PUM3: variants seen among roughly 807,000 people sequenced by gnomAD.
The protein encoded by PUM3 is pumilio homolog 3.
Under a neutral mutation model 84.0 loss-of-function variants are expected in PUM3, and 91 were observed. That is an observed-to-expected ratio of 1.08 (90% CI 0.91 to 1.29). PUM3 has a LOEUF of 1.29. Among genes scored for constraint, PUM3 ranks in the 50% most tolerant of loss-of-function variants. The pLI, the probability that PUM3 is intolerant of heterozygous loss-of-function variation, is 0.00. For synonymous variants in PUM3, 321 were observed against 266.7 expected, an observed-to-expected ratio of 1.20 and a Z score of -1.98; for missense variants, 1,067 against 767.5, an observed-to-expected ratio of 1.39 and a Z score of -4.61.
At chr9:2,827,998 G>C in intron 9 of PUM3, among the ~76,000 whole-genome samples, 1 of 152,112 alleles carries the variant, frequency 6.6e-6, no homozygotes. Flanking sequence ...ATGCCATGAA[G>C]GGCACATGCA....
intron 7 of PUM3, 114 bp downstream of exon 7, chr9:2,830,848 C>T: frequency 3.1e-6 from 2 of 637,022 alleles, no homozygotes; most frequent in East Asian, 2.8e-5. Context: ...CTGCTGAGAG[C>T]CATTACTATT....
chr9:2,815,104 G>A (rs1231859682), intron 13 of PUM3, among the ~76,000 whole-genome samples: 2 of 151,922 alleles, frequency 1.3e-5, no homozygotes, highest in Non-Finnish European at 2.9e-5. Flanking sequence ...ACTCCCTTTT[G>A]GTTTGTAATT....
At chr9:2,838,381 C>T (rs765914072) in intron 2 of PUM3, 45 bp downstream of exon 2, 3 of 1,293,114 alleles carry the variant, frequency 2.3e-6, no homozygotes, top group Admixed American at 1.7e-5. Flanking sequence ...CCCTCCCATC[C>T]CCCAATTATA....
At position 2,824,882 on chromosome 9, in the gene PUM3, C is replaced by G. The variant is rs1190181938; in HGVS notation, c.1036-67G>C. 6 of 1,150,872 alleles carry G rather than the reference C, an allele frequency of 5.2e-6. No homozygotes were observed. In the African/African-American group the frequency reaches 7.7e-5, roughly 15 times the overall value. The allele number at this position is 1,150,872 out of a possible 1,614,324, so 71.3% of individuals were successfully genotyped here. A position where few individuals can be genotyped will look rare whatever the true frequency, so the allele number is the denominator to read the frequency against. ...TTCTTCTTTCTACTGTTTTATCTGT[C>G]TGTCTACAGGGGGCAGTTATGCAGA... On this transcript the variant is annotated intron_variant, in intron 10 of 17. Transcript: ENST00000397885.
intron 13 of PUM3, among the ~76,000 whole-genome samples, chr9:2,818,573 T>C (rs1821520397): frequency 6.6e-6 from 1 of 152,216 alleles, no homozygotes; most frequent in Non-Finnish European, 1.5e-5. Flanking sequence ...GAAACAACTT[T>C]ATTCATCAGC....
At chr9:2,806,882 TCA>T (rs1267639653) in intron 17 of PUM3, among the ~76,000 whole-genome samples, 1 of 152,166 alleles carries the variant, frequency 6.6e-6, no homozygotes, top group African/African-American at 2.4e-5. Context: ...GTCAACATTG[TCA>T]CAGTTTTCAC....
Position 2,838,509 on chromosome 9 carries a change from G to A in PUM3, c.-2C>T, listed in dbSNP as rs376323683. ...TTGCTTTTTCCCTTTAACTTCCATC[G>A]TAGCAACTCTGGAAAACCAAAACCA... On this transcript the variant is annotated 5_prime_UTR_variant, in exon 2 of 18. In the 5' UTR this introduces an upstream ATG that the reference lacks. Coordinates refer to ENST00000397885, the MANE Select transcript of PUM3 (RefSeq NM_014878.5). The A allele has an allele frequency of 6.7e-5, 108 of 1,611,062 alleles. No individual in the cohort carries two copies. The highest frequency in any genetic ancestry group is 2.3e-4 in the South Asian group (21 of 90,958).
At chr9:2,832,640 C>G (rs1209360942) in intron 5 of PUM3, among the ~76,000 whole-genome samples, 1 of 152,128 alleles carries the variant, frequency 6.6e-6, no homozygotes, top group African/African-American at 2.4e-5. Flanking sequence ...TATAAATTGT[C>G]GGAGCTGAGG....
intron 1 of PUM3, among the ~76,000 whole-genome samples, chr9:2,843,837 C>T (rs1413285859): frequency 6.6e-6 from 1 of 152,176 alleles, no homozygotes; most frequent in Non-Finnish European, 1.5e-5. Flanking sequence ...CTCGGCCTCC[C>T]AAAGTGCTGG....
At chr9:2,843,089 A>G (rs1035222951) in intron 1 of PUM3, among the ~76,000 whole-genome samples, 3 of 152,188 alleles carry the variant, frequency 2.0e-5, no homozygotes, top group Non-Finnish European at 4.4e-5. Context: ...GGGCCTATTC[A>G]TGATTCTCAC....
At chr9:2,842,760 G>C (rs1816298960) in intron 1 of PUM3, among the ~76,000 whole-genome samples, 1 of 152,026 alleles carries the variant, frequency 6.6e-6, no homozygotes, top group Non-Finnish European at 1.5e-5. Context: ...CTAATTATGT[G>C]TCTAACAGGA....
chr9:2,816,955 C>A, intron 13 of PUM3, among the ~76,000 whole-genome samples: 1 of 152,206 alleles, frequency 6.6e-6, no homozygotes, highest in Non-Finnish European at 1.5e-5. Context: ...ACTAAGCTTT[C>A]TTGGCTATTT....
chr9:2,828,560 G>A (rs915095863), intron 9 of PUM3, 115 bp downstream of exon 9: 36 of 657,596 alleles, frequency 5.5e-5, no homozygotes, highest in East Asian at 4.3e-4. Context: ...CTCTTATTTA[G>A]AATAGATTAA....
At chr9:2,843,266 C>T (rs1011507423) in intron 1 of PUM3, among the ~76,000 whole-genome samples, 44 of 152,154 alleles carry the variant, frequency 2.9e-4, no homozygotes, top group African/African-American at 1.0e-3. Flanking sequence ...TCCTTCCTAG[C>T]TCCCATCTCA....
At chr9:2,833,960 C>T (rs1165910259) in intron 4 of PUM3, 71 bp downstream of exon 4, 3 of 1,490,072 alleles carry the variant, frequency 2.0e-6, no homozygotes, top group South Asian at 1.3e-5. Flanking sequence ...GGACATCTCA[C>T]TATTTACAAG....
At chr9:2,814,141 A>G (rs1253553895) in intron 13 of PUM3, among the ~76,000 whole-genome samples, 1 of 152,292 alleles carries the variant, frequency 6.6e-6, no homozygotes, top group East Asian at 1.9e-4. Context: ...GAAAACACAC[A>G]AAAAGCATAC....
chr9:2,814,523 G>C (rs1221954506), intron 13 of PUM3, among the ~76,000 whole-genome samples: 1 of 152,116 alleles, frequency 6.6e-6, no homozygotes, highest in East Asian at 1.9e-4. Flanking sequence ...TCTATGTGTT[G>C]CTGATAATGA....
At chr9:2,806,182 GT>G (rs1215198869) in intron 17 of PUM3, among the ~76,000 whole-genome samples, 1 of 152,130 alleles carries the variant, frequency 6.6e-6, no homozygotes, top group African/African-American at 2.4e-5. Flanking sequence ...GAAATTTCCA[GT>G]TAATTGAGTG....
At chr9:2,807,647 G>C (rs1821286909) in intron 17 of PUM3, among the ~76,000 whole-genome samples, 167 bp downstream of exon 17, 2 of 132,862 alleles carry the variant, frequency 1.5e-5, no homozygotes, top group South Asian at 5.3e-4. Flanking sequence ...CTGACTGAAA[G>C]AGTTACATTT....
Sources: allele counts gnomAD v4.1 joint callset (sites outside exome capture counted in the v4.1 genomes callset), GRCh38; gene constraint gnomAD v4.1.1; transcripts MANE v1.5; gene names NCBI Gene and HGNC (gene_info 2026-07-23, HGNC 2026-07-21).